The following AUTS2 variants were observed in gnomAD, a reference collection of about 807,000 sequenced individuals.
AUTS2 encodes autism susceptibility gene 2 protein.
A neutral mutation model predicts 112.4 loss-of-function variants in AUTS2; 17 were observed. The ratio of observed to expected loss-of-function variants is 0.15; its 90% confidence interval spans 0.10 to 0.23. The LOEUF is 0.23. AUTS2 is among the 10% of genes least tolerant of loss of function. The pLI is 1.00. For synonymous variants in AUTS2, 751 were observed against 702.7 expected, an observed-to-expected ratio of 1.07 and a Z score of -1.09; for missense variants, 1,510 against 1,701.6, an observed-to-expected ratio of 0.89 and a Z score of 1.98.
In AUTS2 at chr7:70,694,763, C is replaced by G. The variant is rs1292382625; in HGVS notation, c.691-3806C>G. On this transcript the variant is annotated intron_variant, in intron 5 of 18. Coordinates refer to ENST00000342771, the MANE Select transcript of AUTS2 (RefSeq NM_015570.4). The surrounding 1 kb of genome is among the most constrained non-coding windows in gnomAD (Gnocchi z 4.1). ...CGGCGGGCGCGCTCCTCCCGCCGCC[C>G]GGGGCCTCGGCCGCGCTGGATGTGT... 6.7e-6 allele frequency: 1 copy of G among 149,158 alleles called. No homozygotes were observed. The highest frequency in any genetic ancestry group is 1.5e-5 in the Non-Finnish European group (1 of 66,574). 9.2% of individuals were successfully genotyped at this position (149,158 alleles called of 1,614,324 possible). A position where few individuals can be genotyped will look rare whatever the true frequency, so the allele number is the denominator to read the frequency against.
At chr7:69,721,198 C>A (rs541779096) in intron 1 of AUTS2, among the ~76,000 whole-genome samples, 2 of 152,266 alleles carry the variant, frequency 1.3e-5, no homozygotes, top group African/African-American at 4.8e-5. Flanking sequence ...CTGATCTTTG[C>A]CTCCTGATCT....
chr7:70,207,922 A>T (rs1048451888), intron 4 of AUTS2, among the ~76,000 whole-genome samples: 1 of 150,930 alleles, frequency 6.6e-6, no homozygotes, highest in African/African-American at 2.4e-5. Context: ...GAGGCAGGAG[A>T]ATCGCTTGAA....
chr7:70,616,004 C>G (rs921911274), intron 5 of AUTS2, among the ~76,000 whole-genome samples: 3 of 152,268 alleles, frequency 2.0e-5, no homozygotes, highest in African/African-American at 4.8e-5. Flanking sequence ...CCTGGCCTCC[C>G]AAATTGCTGG....
intron 5 of AUTS2, among the ~76,000 whole-genome samples, chr7:70,658,586 G>C (rs1297632133): frequency 6.6e-6 from 1 of 152,194 alleles, no homozygotes; most frequent in Non-Finnish European, 1.5e-5. Flanking sequence ...TAAATTGCGA[G>C]AGGTACTTCT....
At chr7:70,409,208 T>TG (rs1286640688) in intron 4 of AUTS2, among the ~76,000 whole-genome samples, 6 of 152,222 alleles carry the variant, frequency 3.9e-5, no homozygotes, top group Non-Finnish European at 5.9e-5. Context: ...TCACTCTGGA[T>TG]GTACCCCCTT....
At chr7:70,598,445 T>C (rs528852118) in intron 5 of AUTS2, among the ~76,000 whole-genome samples, 2 of 152,202 alleles carry the variant, frequency 1.3e-5, no homozygotes, top group Non-Finnish European at 2.9e-5. Context: ...AATTTGAGCC[T>C]TGTAACGTTC....
chr7:69,993,919 G>A lies in AUTS2; in HGVS notation c.522+94421G>A, dbSNP rs116798864. Among the ~76,000 whole-genome samples the A allele has an allele frequency of 2.9e-3, 445 of 152,272 alleles. 5 individuals are homozygous for A. Among genetic ancestry groups the A allele is most frequent in the African/African-American group, 0.01 (430 of 41,546 alleles). On this transcript the variant is annotated intron_variant, in intron 2 of 18. Coordinates refer to ENST00000342771, the MANE Select transcript of AUTS2 (RefSeq NM_015570.4). ...TAAAAAGATAAGCAAAACTTGGGAC[G>A]TCAACTTACAGCAAGAGCTGTATGG... is the stretch of plus-strand genomic sequence containing the variant.
At chr7:70,489,937 G>A (rs976249802) in intron 5 of AUTS2, among the ~76,000 whole-genome samples, 1 of 152,194 alleles carries the variant, frequency 6.6e-6, no homozygotes, top group Non-Finnish European at 1.5e-5. Context: ...GAAATCACAA[G>A]AGAGATTAGA....
At chr7:70,106,483 G>A (rs1219593720) in intron 2 of AUTS2, among the ~76,000 whole-genome samples, 1 of 152,148 alleles carries the variant, frequency 6.6e-6, no homozygotes, top group Admixed American at 6.5e-5. Flanking sequence ...ATTTTGGGAG[G>A]CCCAGGTGGA....
At chr7:70,739,927 A>G (rs1204270633) in intron 6 of AUTS2, among the ~76,000 whole-genome samples, 1 of 152,034 alleles carries the variant, frequency 6.6e-6, no homozygotes, top group African/African-American at 2.4e-5. Flanking sequence ...AGCCCTTCAA[A>G]TGTTGGACAA....
intron 5 of AUTS2, among the ~76,000 whole-genome samples, chr7:70,538,920 A>G (rs1262546244): frequency 6.6e-6 from 1 of 152,186 alleles, no homozygotes; most frequent in Non-Finnish European, 1.5e-5. Context: ...TTCTGGATGA[A>G]CAAAACGGGT....
intron 2 of AUTS2, among the ~76,000 whole-genome samples, chr7:70,100,692 T>C (rs1804440931): frequency 6.6e-6 from 1 of 151,832 alleles, no homozygotes; most frequent in Admixed American, 6.6e-5. Flanking sequence ...TTTCATGTAC[T>C]GAAAAAGTAG....
At chr7:70,752,108 C>T (rs1238060881) in intron 6 of AUTS2, among the ~76,000 whole-genome samples, 3 of 151,926 alleles carry the variant, frequency 2.0e-5, no homozygotes, top group African/African-American at 7.3e-5. Flanking sequence ...TAGTTAACAG[C>T]CAGGCAGGGG....
intron 11 of AUTS2, 122 bp downstream of exon 11, chr7:70,771,766 C>A: frequency 1.4e-6 from 1 of 728,536 alleles, no homozygotes. Flanking sequence ...CCTAAGTGAC[C>A]ACTGGGATTA....
intron 4 of AUTS2, among the ~76,000 whole-genome samples, chr7:70,225,672 C>CA (rs1468293246): frequency 3.3e-5 from 5 of 151,716 alleles, no homozygotes. Context: ...AAAACACAAG[C>CA]AAAAAAATCA....
At chr7:70,319,391 G>C (rs1275592412) in intron 4 of AUTS2, among the ~76,000 whole-genome samples, 2 of 152,186 alleles carry the variant, frequency 1.3e-5, no homozygotes, top group Non-Finnish European at 2.9e-5. Flanking sequence ...TGAGGGTGCA[G>C]AACAGAAATG....
intron 1 of AUTS2, among the ~76,000 whole-genome samples, chr7:69,697,163 C>T (rs1214364249): frequency 1.3e-5 from 2 of 152,218 alleles, no homozygotes; most frequent in African/African-American, 4.8e-5. Flanking sequence ...TTAAAATTTG[C>T]ATTTCTCATG....
intron 5 of AUTS2, among the ~76,000 whole-genome samples, chr7:70,545,406 A>G (rs1200554092): frequency 1.3e-5 from 2 of 152,210 alleles, no homozygotes; most frequent in Admixed American, 1.3e-4. Flanking sequence ...TTAAGAGGAA[A>G]TAACGGCCTG....
chr7:69,856,097 T>A (rs1270491843), intron 1 of AUTS2, among the ~76,000 whole-genome samples: 1 of 152,216 alleles, frequency 6.6e-6, no homozygotes, highest in East Asian at 1.9e-4. Flanking sequence ...TTCCTCACTT[T>A]TTGGATTTTA....
Sources: gnomAD v4.1 joint callset for allele counts (sites outside exome capture counted in the v4.1 genomes callset) on GRCh38, gnomAD v4.1.1 for gene constraint, Gnocchi (gnomAD v3.1) non-coding constraint, MANE v1.5 for transcripts, NCBI Gene and HGNC (gene_info 2026-07-23, HGNC 2026-07-21) for gene names.